KDM6A: variants seen among roughly 807,000 people sequenced by gnomAD.
KDM6A encodes lysine demethylase 6A, also known as lysine-specific demethylase 6A.
Under a neutral mutation model 117.6 loss-of-function variants are expected in KDM6A, and 11 were observed. That is an observed-to-expected ratio of 0.09 (90% CI 0.06 to 0.15). The LOEUF (loss-of-function observed/expected upper bound fraction) is 0.15. Among genes scored for constraint, KDM6A ranks in the 10% least tolerant of loss-of-function variants. KDM6A has a pLI of 1.00. For missense variants in KDM6A, 799 were observed against 1,077.3 expected, an observed-to-expected ratio of 0.74 and a Z score of 3.62; for synonymous variants, 384 against 396.1, an observed-to-expected ratio of 0.97 and a Z score of 0.36.
chrX:45,069,566 T>G lies in KDM6A; in HGVS notation c.2080-13T>G, dbSNP rs2148033769. ...CTTAATATTAGATTTAAACTATTTTTCTTTCTTTTTAGGGGCTTCACAAAG... is the reference window on the plus strand; with the variant it reads ...CTTAATATTAGATTTAAACTATTTTGCTTTCTTTTTAGGGGCTTCACAAAG... On this transcript the variant is annotated splice_polypyrimidine_tract_variant and intron_variant, in intron 17 of 29. Coordinates refer to ENST00000611820, the MANE Select transcript of KDM6A (RefSeq NM_001291415.2). 8.3e-7 allele frequency: 1 copy of G among 1,202,382 alleles called. No individual in the cohort carries two copies. The highest frequency in any genetic ancestry group is 3.0e-5 in the East Asian group (1 of 33,809).
At chrX:44,949,404 C>CA (rs2037848143) in intron 2 of KDM6A, among the ~76,000 whole-genome samples, 1 of 110,990 alleles carries the variant, frequency 9.0e-6, no homozygotes, top group Non-Finnish European at 1.9e-5. Context: ...AAGAAAAAAA[C>CA]AAAAAGATTT....
At chrX:44,884,025 C>T (rs2032578975) in intron 2 of KDM6A, among the ~76,000 whole-genome samples, 1 of 103,340 alleles carries the variant, frequency 9.7e-6, no homozygotes, top group South Asian at 4.5e-4. Context: ...TAGCTTGAAC[C>T]CGGGAGGTGG....
intron 6 of KDM6A, among the ~76,000 whole-genome samples, chrX:45,027,367 A>ACC (rs773457764): frequency 9.3e-6 from 1 of 107,471 alleles, no homozygotes; most frequent in Non-Finnish European, 1.9e-5. Context: ...ACACACACAC[A>ACC]CCCGCCCGTC....
intron 2 of KDM6A, among the ~76,000 whole-genome samples, chrX:44,874,555 C>T (rs2031273529): frequency 9.0e-6 from 1 of 111,288 alleles, no homozygotes; most frequent in Non-Finnish European, 1.9e-5. Context: ...AGTTAGGTGA[C>T]TTGTTTACTT....
chrX:45,008,323 G>A (rs2041598747), intron 4 of KDM6A, among the ~76,000 whole-genome samples: 1 of 110,956 alleles, frequency 9.0e-6, no homozygotes, highest in Admixed American at 9.6e-5. Context: ...GCAGTGAGCC[G>A]AGATCGCACC....
chrX:45,089,768 T>C lies in KDM6A; in HGVS notation c.3730T>C (p.Ser1244Pro), dbSNP rs1602985775. Residue 1244 changes from serine to proline, a missense_variant, in exon 26 of 30, where the codon TCT becomes CCT. Transcript: ENST00000611820. The stretch of plus-strand genomic sequence containing the variant: ...AAATAATTTGAATTTCCTAATGGGT[T>C]CTTGGTGGCCCAATCTTGAAGATCT... ...EKNNLNFLMG[S>P]WWPNLEDLYE... 8.3e-6 allele frequency: 10 copies of C among 1,207,703 alleles called. No individual in the cohort carries two copies. Among genetic ancestry groups the C allele is most frequent in the Non-Finnish European group, 1.1e-5 (10 of 891,861 alleles).
chrX:44,933,260 A>ATTTTTTTT (rs56098621), intron 2 of KDM6A, among the ~76,000 whole-genome samples: 3 of 36,541 alleles, frequency 8.2e-5, no homozygotes, highest in African/African-American at 2.2e-4. Context: ...GTTTATGTTG[A>ATTTTTTTT]TTTTTTTTTT....
At chrX:44,917,018 A>G (rs1336319348) in intron 2 of KDM6A, among the ~76,000 whole-genome samples, 1 of 102,494 alleles carries the variant, frequency 9.8e-6, no homozygotes, top group Non-Finnish European at 1.9e-5. Context: ...GTCTGTCTAT[A>G]TACTCACTTT....
intron 6 of KDM6A, among the ~76,000 whole-genome samples, chrX:45,028,146 T>TAACAGCAACACCACACAGC (rs749144420): frequency 1.6e-4 from 18 of 111,750 alleles, no homozygotes; most frequent in Admixed American, 7.6e-4. Flanking sequence ...CCTCCTGGAG[T>TAACAGCAACACCACACAGC]AACAGCAACA....
chrX:44,961,243 C>T (rs1248030600), intron 2 of KDM6A, 41 bp from the exon 3 acceptor site: 35 of 977,302 alleles, frequency 3.6e-5, no homozygotes, highest in Non-Finnish European at 4.9e-5. Context: ...TATTTTAGGG[C>T]TTTATTTTTT....
intron 4 of KDM6A, among the ~76,000 whole-genome samples, chrX:44,994,270 G>C (rs1303474010): frequency 9.0e-6 from 1 of 111,459 alleles, no homozygotes; most frequent in African/African-American, 3.3e-5. Context: ...CTGAGCCTCT[G>C]GTAACCACTG....
Position 45,037,673 on chromosome X carries a change from A to G in KDM6A, c.638A>G (p.His213Arg). Residue 213 changes from histidine to arginine, a missense_variant, in exon 8 of 30, where the codon CAC becomes CGC. Around this residue, in one of 8 missense-constraint regions of KDM6A, gnomAD observed 63 missense variants for 68.2 expected, o/e 0.92. Coordinates refer to ENST00000611820, the MANE Select transcript of KDM6A (RefSeq NM_001291415.2). ...TTTGCAGTTCAATTTCACATTGCCC[A>G]CTTATATGAAACCCAGGTAAGTATT... ...SNAEIQFHIA[H>R]LYETQRKYHS... 3 of 1,203,183 alleles carry G rather than the reference A, an allele frequency of 2.5e-6. No individual in the cohort carries two copies. The highest frequency in any genetic ancestry group is 3.4e-6 in the Non-Finnish European group (3 of 888,560).
chrX:44,954,856 C>T (rs961769391), intron 2 of KDM6A, among the ~76,000 whole-genome samples: 2 of 110,807 alleles, frequency 1.8e-5, no homozygotes, highest in Non-Finnish European at 3.8e-5. Flanking sequence ...CAACAAGTGG[C>T]AGTAACGGTG....
intron 4 of KDM6A, among the ~76,000 whole-genome samples, chrX:44,991,333 CTCTCTTTCTCTCTT>C (rs989252279): frequency 2.7e-5 from 3 of 109,553 alleles, no homozygotes; most frequent in African/African-American, 3.3e-5. Flanking sequence ...CTCTCTCTCT[CTCTCTTTCTCTCTT>C]TCTCTTTCTC....
chrX:44,985,557 T>A (rs888358844), intron 4 of KDM6A, among the ~76,000 whole-genome samples: 1 of 111,431 alleles, frequency 9.0e-6, no homozygotes, highest in Non-Finnish European at 1.9e-5. Flanking sequence ...TGTCATAGAT[T>A]GCTCTTATTA....
At chrX:45,003,167 A>G (rs1351218426) in intron 4 of KDM6A, among the ~76,000 whole-genome samples, 1 of 109,901 alleles carries the variant, frequency 9.1e-6, no homozygotes, top group Non-Finnish European at 1.9e-5. Context: ...TTATTAGGCA[A>G]TTTTCCTAAT....
intron 4 of KDM6A, among the ~76,000 whole-genome samples, chrX:44,997,438 C>A (rs1447885359): frequency 3.6e-5 from 4 of 111,556 alleles, no homozygotes; most frequent in Non-Finnish European, 5.7e-5. Flanking sequence ...TGCATGCTCC[C>A]CTCAACATCC....
At chrX:45,040,484 GC>G (rs2043063090) in intron 8 of KDM6A, among the ~76,000 whole-genome samples, 1 of 83,195 alleles carries the variant, frequency 1.2e-5, no homozygotes, top group Admixed American at 1.2e-4. Context: ...GGGGCGGCTG[GC>G]CAGGCGGGGG....
chrX:44,877,044 C>A (rs768334292), intron 2 of KDM6A, among the ~76,000 whole-genome samples: 3 of 96,805 alleles, frequency 3.1e-5, no homozygotes, highest in Non-Finnish European at 5.9e-5. Flanking sequence ...TATATACATA[C>A]GTATGTATAT....
Sources: gnomAD v4.1 joint callset for allele counts (sites outside exome capture counted in the v4.1 genomes callset) on GRCh38, gnomAD v4.1.1 for gene constraint, gnomAD v4.1.1 regional missense constraint, MANE v1.5 for transcripts, NCBI Gene and HGNC (gene_info 2026-07-23, HGNC 2026-07-21) for gene names.